The following NALF1 variants were observed in gnomAD, a reference collection of about 807,000 sequenced individuals.
The protein encoded by NALF1 is NALCN channel auxiliary factor 1.
A neutral mutation model predicts 48.4 loss-of-function variants in NALF1; 3 were observed. That is an observed-to-expected ratio of 0.06 (90% CI 0.03 to 0.16). The LOEUF is 0.16. NALF1 is among the 10% of genes least tolerant of loss of function. NALF1 has a pLI of 1.00. For missense variants in NALF1, 526 were observed against 571.5 expected (o/e 0.92, Z 0.81); for synonymous variants, 262 against 245.7 (o/e 1.07, Z -0.62).
chr13:107,754,196 T>TGTA (rs374371383), intron 1 of NALF1, among the ~76,000 whole-genome samples: 14 of 152,326 alleles, frequency 9.2e-5, no homozygotes, highest in African/African-American at 3.4e-4. Context: ...AGTTTATTTT[T>TGTA]GTACTTATTC....
intron 1 of NALF1, among the ~76,000 whole-genome samples, chr13:107,428,899 C>A (rs942941437): frequency 7.2e-5 from 11 of 152,160 alleles, no homozygotes; most frequent in Admixed American, 3.9e-4. Context: ...TTAAGTGAAT[C>A]ATTAGACAGT....
chr13:107,793,492 TTTAC>T (rs1878314957), intron 1 of NALF1, among the ~76,000 whole-genome samples: 1 of 152,168 alleles, frequency 6.6e-6, no homozygotes, highest in African/African-American at 2.4e-5. Context: ...TTGTGAACAT[TTTAC>T]TTAATCTATT....
intron 2 of NALF1, among the ~76,000 whole-genome samples, chr13:107,190,940 C>A (rs1879267199): frequency 1.3e-5 from 2 of 152,194 alleles, no homozygotes; most frequent in African/African-American, 4.8e-5. Context: ...ATTAGAATTG[C>A]AGCATTCCAT....
chr13:107,480,999 G>C (rs768453319), intron 1 of NALF1, among the ~76,000 whole-genome samples: 28 of 151,784 alleles, frequency 1.8e-4, no homozygotes, highest in Non-Finnish European at 3.2e-4. Flanking sequence ...AACTTTGATC[G>C]TTTGATAACT....
chr13:107,201,472 G>C lies in NALF1; in HGVS notation c.1087+9112C>G, dbSNP rs12871940. On this transcript the variant is annotated intron_variant, in intron 2 of 2. Coordinates refer to ENST00000375915, the MANE Select transcript of NALF1 (RefSeq NM_001080396.3). The stretch of plus-strand genomic sequence containing the variant: ...GGCGCCTGTAGTCCCAGCTACTCGG[G>C]AGGCTGAGGCAGGAGAATGGTGTGA... 6.6e-3 allele frequency among the ~76,000 whole-genome samples: 1,005 copies of C among 152,288 alleles called. 13 individuals are homozygous for C. The highest frequency in any genetic ancestry group is 1.0e-2 in the Non-Finnish European group (678 of 68,032).
Position 107,296,003 on chromosome 13 carries a change from A to T in NALF1, c.916-85248T>A, listed in dbSNP as rs540171505. On this transcript the variant is annotated intron_variant, in intron 1 of 2. Transcript: ENST00000375915. ...TGAAGAAAAATGCTTGCCAGAATACATTGTGAAAATTGTTCAGCAAGATGT... is the reference window on the plus strand; with the variant it reads ...TGAAGAAAAATGCTTGCCAGAATACTTTGTGAAAATTGTTCAGCAAGATGT... 1.1e-4 allele frequency among the ~76,000 whole-genome samples: 17 copies of T among 152,340 alleles called. No individual in the cohort carries two copies. The South Asian group carries it at 3.5e-3, about 32-fold the overall frequency.
At chr13:107,548,363 AATCT>A (rs1163308135) in intron 1 of NALF1, among the ~76,000 whole-genome samples, 1 of 151,996 alleles carries the variant, frequency 6.6e-6, no homozygotes, top group Non-Finnish European at 1.5e-5. Context: ...TTCTTTATCC[AATCT>A]GTCATTGATG....
chr13:107,826,176 T>C (rs1879511292), intron 1 of NALF1, among the ~76,000 whole-genome samples: 2 of 152,330 alleles, frequency 1.3e-5, no homozygotes, highest in Middle Eastern at 3.4e-3. Context: ...TATCTTAGAC[T>C]GAGGAAAAGC....
chr13:107,626,540 G>T (rs1879678352), intron 1 of NALF1, among the ~76,000 whole-genome samples: 1 of 152,136 alleles, frequency 6.6e-6, no homozygotes, highest in Non-Finnish European at 1.5e-5. Flanking sequence ...TGGATGAATG[G>T]ATGATGAGAA....
At chr13:107,352,844 A>G (rs1288095289) in intron 1 of NALF1, among the ~76,000 whole-genome samples, 2 of 152,198 alleles carry the variant, frequency 1.3e-5, no homozygotes, top group African/African-American at 4.8e-5. Flanking sequence ...TATTTGACCA[A>G]GAAAGCTTCT....
At chr13:107,827,244 G>C (rs1879547361) in intron 1 of NALF1, among the ~76,000 whole-genome samples, 1 of 152,008 alleles carries the variant, frequency 6.6e-6, no homozygotes, top group African/African-American at 2.4e-5. Flanking sequence ...TAAACATTAA[G>C]GCATTTTCTT....
chr13:107,606,766 T>A (rs1252148349), intron 1 of NALF1, among the ~76,000 whole-genome samples: 1 of 152,172 alleles, frequency 6.6e-6, no homozygotes, highest in Non-Finnish European at 1.5e-5. Context: ...TCAAGCTGAA[T>A]AGTGAGTTGG....
At chr13:107,378,621 T>C (rs1375318123) in intron 1 of NALF1, among the ~76,000 whole-genome samples, 1 of 152,184 alleles carries the variant, frequency 6.6e-6, no homozygotes, top group Non-Finnish European at 1.5e-5. Flanking sequence ...TCACAAATTC[T>C]GGTTTCAAGT....
intron 1 of NALF1, among the ~76,000 whole-genome samples, chr13:107,606,786 T>C (rs930613491): frequency 2.6e-5 from 4 of 152,332 alleles, no homozygotes; most frequent in Admixed American, 2.0e-4. Context: ...GTTGGTTGGT[T>C]GACTCCATAT....
intron 1 of NALF1, among the ~76,000 whole-genome samples, chr13:107,677,204 A>G (rs4772909): frequency 0.56 from 84,835 of 152,058 alleles, 24,500 homozygotes; most frequent in African/African-American, 0.7. Context: ...ACATCACCAC[A>G]CTCAGCTAAG....
chr13:107,820,980 T>C (rs931688226), intron 1 of NALF1, among the ~76,000 whole-genome samples: 10 of 152,172 alleles, frequency 6.6e-5, no homozygotes, highest in African/African-American at 2.4e-4. Context: ...CTCCCTCCCT[T>C]AGAATTTTAT....
chr13:107,494,108 T>C (rs1469565779), intron 1 of NALF1, among the ~76,000 whole-genome samples: 4 of 138,608 alleles, frequency 2.9e-5, no homozygotes, highest in Non-Finnish European at 5.9e-5. Context: ...GACTCAATTG[T>C]TAGAACTACT....
chr13:107,191,263 T>TA (rs10717792), intron 2 of NALF1, among the ~76,000 whole-genome samples: 1,623 of 146,484 alleles, frequency 0.011, 16 homozygotes, highest in Non-Finnish European at 0.015. Flanking sequence ...CACTAAATAG[T>TA]AAAAAAAAAA....
chr13:107,599,756 TATTA>T (rs1396150419), intron 1 of NALF1, among the ~76,000 whole-genome samples: 9 of 152,210 alleles, frequency 5.9e-5, no homozygotes, highest in African/African-American at 2.4e-5. Flanking sequence ...AAGCTAAAAA[TATTA>T]ATTATCATAA....
Sources: allele counts gnomAD v4.1 joint callset (sites outside exome capture counted in the v4.1 genomes callset), GRCh38; gene constraint gnomAD v4.1.1; transcripts MANE v1.5; gene names NCBI Gene and HGNC (gene_info 2026-07-23, HGNC 2026-07-21).